DHX57: variants seen among roughly 807,000 people sequenced by gnomAD.
The protein encoded by DHX57 is DExH-box helicase 57.
Under a neutral mutation model 156.2 loss-of-function variants are expected in DHX57, and 105 were observed. The ratio of observed to expected loss-of-function variants is 0.67; its 90% confidence interval spans 0.57 to 0.79. DHX57 has a LOEUF of 0.79. DHX57 is among the 30% of genes least tolerant of loss of function. The probability of loss-of-function intolerance (pLI) is 0.00; values close to 1 mark genes in which losing one functional copy is unlikely to be tolerated. For missense variants in DHX57, 1,847 were observed against 1,661.9 expected, an observed-to-expected ratio of 1.11 and a Z score of -1.94; for synonymous variants, 704 against 595.6, an observed-to-expected ratio of 1.18 and a Z score of -2.65.
intron 13 of DHX57, among the ~76,000 whole-genome samples, chr2:38,832,329 A>T (rs988247769): frequency 1.3e-5 from 2 of 151,968 alleles, no homozygotes; most frequent in African/African-American, 4.8e-5. Flanking sequence ...AGTCCCAGCT[A>T]CACGGGAGGC....
intron 1 of DHX57, among the ~76,000 whole-genome samples, chr2:38,871,977 G>C (rs1181397689): frequency 6.6e-6 from 1 of 151,994 alleles, no homozygotes; most frequent in Non-Finnish European, 1.5e-5. Flanking sequence ...CAAAGTGCTG[G>C]GATTACAGGC....
At chr2:38,834,502 G>A (rs1321762015) in intron 13 of DHX57, among the ~76,000 whole-genome samples, 3 of 152,086 alleles carry the variant, frequency 2.0e-5, no homozygotes, top group Non-Finnish European at 2.9e-5. Context: ...AATGTATTGT[G>A]ACACTAATCA....
chr2:38,818,920 T>C lies in DHX57; in HGVS notation c.3428A>G (p.Tyr1143Cys), dbSNP rs1193618215. The C allele has an allele frequency of 6.2e-7, 1 of 1,614,218 alleles. No individual in the cohort carries two copies. The highest frequency in any genetic ancestry group is 8.5e-7 in the Non-Finnish European group (1 of 1,180,038). ...CAAGAAGTTTTGTCTGCAGTAATTATAACTTGCACGCACGCCTTCTTTTGT... is the reference window on the plus strand; with the variant it reads ...CAAGAAGTTTTGTCTGCAGTAATTACAACTTGCACGCACGCCTTCTTTTGT... ...LSTKEGVRAS[Y>C]NYCRQNFLSG... The change falls in exon 19 of 24, where the codon TAT (tyrosine) becomes TGT (cysteine). Residue 1143 changes from tyrosine to cysteine, a missense_variant. By Grantham distance (194) the Tyr-to-Cys change is radical. Coordinates refer to ENST00000457308, the MANE Select transcript of DHX57 (RefSeq NM_198963.3).
chr2:38,866,561 T>C (rs1665082463), intron 2 of DHX57, among the ~76,000 whole-genome samples: 1 of 152,196 alleles, frequency 6.6e-6, no homozygotes, highest in South Asian at 2.1e-4. Context: ...ATGTTATACA[T>C]TTGTTTATGG....
intron 17 of DHX57, among the ~76,000 whole-genome samples, chr2:38,819,595 A>C (rs6740138): frequency 4.6e-5 from 7 of 152,270 alleles, no homozygotes; most frequent in Non-Finnish European, 1.0e-4. Flanking sequence ...ATGAAAGGCA[A>C]TTATGACGGT....
At chr2:38,858,542 AC>A (rs1673019077) in intron 6 of DHX57, 118 bp downstream of exon 6, 1 of 1,352,586 alleles carries the variant, frequency 7.4e-7, no homozygotes, top group African/African-American at 1.5e-5. Context: ...AACTTTGACC[AC>A]TCAGGGAGAA....
intron 5 of DHX57, among the ~76,000 whole-genome samples, 177 bp downstream of exon 5, chr2:38,860,822 A>G (rs767922594): frequency 2.6e-5 from 4 of 152,210 alleles, no homozygotes; most frequent in Non-Finnish European, 5.9e-5. Flanking sequence ...GAGCCTTACA[A>G]TTAAAGTCAG....
At position 38,843,135 on chromosome 2, in the gene DHX57, C is replaced by T. The variant is rs7559676; in HGVS notation, c.2295G>A (p.Arg765=). 1 of 1,614,202 alleles carries T rather than the reference C, an allele frequency of 6.2e-7. No homozygotes were observed. ...CCACTTCTTCAAATGCAGTTCTGTTCCGCCTTGCTTTAAGCTTTTCCTTTG... is the reference window on the plus strand; with the variant it reads ...CCACTTCTTCAAATGCAGTTCTGTTTCGCCTTGCTTTAAGCTTTTCCTTTG... The part of the protein sequence containing the change: ...QISKEKLKAR[R]NRTAFEEVEE... The change falls in exon 12 of 24, where the codon CGG becomes CGA. Residue 765 remains arginine (R), a synonymous_variant. Transcript: ENST00000457308.
rs563491702 is a variant in DHX57 at position 38,806,673 on chromosome 2, T to C, written c.3702A>G (p.Lys1234=). 1.2e-5 allele frequency: 20 copies of C among 1,613,990 alleles called. 1 individual carries two copies. The highest frequency in any genetic ancestry group is 1.1e-4 in the African/African-American group (8 of 75,044). The change falls in exon 22 of 24, where the codon AAA becomes AAG. Residue 1234 remains lysine, a synonymous_variant. Transcript: ENST00000457308. ...CAGCTCCAGTACTGGTCTTCTGAAA[T>C]TTTCCTTCTGGGCTTTTCACCTAAA... ...NVVQVKSPEG[K]FQKTSTGAVR... is the part of the protein sequence containing the mutation.
rs538799645 is a variant in DHX57 at position 38,802,748 on chromosome 2, A to G, written c.3984T>C (p.Asp1328=). The change falls in exon 23 of 24, where the codon GAT becomes GAC. Residue 1328 remains aspartate, a synonymous_variant. Coordinates refer to ENST00000457308, the MANE Select transcript of DHX57 (RefSeq NM_198963.3). ...QRGEFVVSLD[D]GWIRFVAASH... ...AAGCAGCTACAAAACGGATCCAACC[A>G]TCATCCAGGGAGACAACGAACTCTC... 11 of 1,614,154 alleles carry G rather than the reference A, an allele frequency of 6.8e-6. No homozygotes were observed. In the East Asian group the frequency reaches 1.8e-4, roughly 26 times the overall value.
At position 38,861,049 on chromosome 2, in the gene DHX57, T is replaced by A; in HGVS notation, c.1361A>T (p.His454Leu). 1 of 1,614,118 alleles carries A rather than the reference T, an allele frequency of 6.2e-7. No homozygotes were observed. ...SRTRINNPAC[H>L]KTVIPNNSFV... Reference sequence around the variant, plus strand: ...AGAATTATTTGGAATCACTGTTTTATGACAGGCAGGATTATTTATTCTGGT... The same window carrying A: ...AGAATTATTTGGAATCACTGTTTTAAGACAGGCAGGATTATTTATTCTGGT... The change falls in exon 5 of 24, where the codon CAT becomes CTT. Residue 454 changes from histidine (H) to leucine (L), a missense_variant. Physicochemically the swap from His to Leu is moderately conservative, Grantham distance 99. Transcript: ENST00000457308.
At chr2:38,846,483 G>T (rs1401883969) in intron 11 of DHX57, among the ~76,000 whole-genome samples, 1 of 151,622 alleles carries the variant, frequency 6.6e-6, no homozygotes, top group African/African-American at 2.4e-5. Context: ...ATTAGGCATG[G>T]GGGTGTGTGT....
chr2:38,871,640 A>T (rs182033904), intron 1 of DHX57, among the ~76,000 whole-genome samples: 79 of 151,944 alleles, frequency 5.2e-4, no homozygotes, highest in Admixed American at 4.2e-3. Context: ...ATGGTGGAAG[A>T]TGGAAGGCAG....
At chr2:38,818,475 C>T (rs760921658) in intron 19 of DHX57, among the ~76,000 whole-genome samples, 1 of 152,138 alleles carries the variant, frequency 6.6e-6, no homozygotes, top group Non-Finnish European at 1.5e-5. Flanking sequence ...TGCAAGTGAG[C>T]CGAGATCGCA....
At chr2:38,828,774 A>G (rs2124825279) in intron 13 of DHX57, among the ~76,000 whole-genome samples, 1 of 152,176 alleles carries the variant, frequency 6.6e-6, no homozygotes, top group East Asian at 1.9e-4. Context: ...TTCTTTGTAA[A>G]GTCCCAGAGG....
chr2:38,812,652 G>A (rs1341322575), intron 21 of DHX57, among the ~76,000 whole-genome samples: 1 of 152,182 alleles, frequency 6.6e-6, no homozygotes, highest in Admixed American at 6.5e-5. Context: ...TCCTGCCTCA[G>A]CCTCCTGAGT....
chr2:38,811,021 G>T, intron 21 of DHX57: 1 of 709,852 alleles, frequency 1.4e-6, no homozygotes, highest in Non-Finnish European at 2.6e-6. Flanking sequence ...TGTTGGGGGT[G>T]TTGGGGGCTT....
In DHX57 at chr2:38,875,854, T is replaced by C; in HGVS notation, c.-74A>G. ...CTGCCCAAGGGTCAGAGGTCCAAAC[T>C]GGACTTGGCCACCCTCACGATTCTC... On this transcript the variant is annotated 5_prime_UTR_variant, in exon 1 of 24. Transcript: ENST00000457308. 1 of 394,802 alleles carries C rather than the reference T, an allele frequency of 2.5e-6. No individual in the cohort carries two copies. Among genetic ancestry groups the C allele is most frequent in the Non-Finnish European group, 4.5e-6 (1 of 224,266 alleles). 24.5% of individuals were successfully genotyped at this position (394,802 alleles called of 1,614,324 possible). A position where few individuals can be genotyped will look rare whatever the true frequency, so the allele number is the denominator to read the frequency against.
At chr2:38,828,872 A>C (rs1328162511) in intron 13 of DHX57, among the ~76,000 whole-genome samples, 1 of 152,154 alleles carries the variant, frequency 6.6e-6, no homozygotes, top group Non-Finnish European at 1.5e-5. Context: ...AACCAGAAAA[A>C]CTGAGGTGTG....
Sources: allele counts gnomAD v4.1 joint callset (sites outside exome capture counted in the v4.1 genomes callset), GRCh38; gene constraint gnomAD v4.1.1; transcripts MANE v1.5; gene names NCBI Gene and HGNC (gene_info 2026-07-23, HGNC 2026-07-21).